The following UGT3A2 variants were observed in gnomAD, a reference collection of about 807,000 sequenced individuals.
UGT3A2 encodes UDP-glycosyltransferase 3A2.
Under a neutral mutation model 39.8 loss-of-function variants are expected in UGT3A2, and 32 were observed. The observed-to-expected ratio is 0.80, with a 90% CI of 0.61 to 1.08. The LOEUF (loss-of-function observed/expected upper bound fraction) is 1.08, where lower values mean the gene tolerates loss of function less well. Among genes scored for constraint, UGT3A2 ranks in the 50% least tolerant of loss-of-function variants. UGT3A2 has a pLI of 0.00. For synonymous variants in UGT3A2, 241 were observed against 230.7 expected (o/e 1.04, Z -0.40); for missense variants, 611 against 637.1 (o/e 0.96, Z 0.44).
At position 36,035,831 on chromosome 5, in the gene UGT3A2, C is replaced by A. The variant is rs375604328; in HGVS notation, c.1439G>T (p.Trp480Leu). The change falls in exon 7 of 7, where the codon TGG (tryptophan) becomes TTG (leucine). Residue 480 changes from tryptophan to leucine, a missense_variant. Transcript: ENST00000282507. ...HLKPYVFQQP[W>L]HEQYLLDVFV... ...AACGTCGAGCAGGTACTGCTCATGC[C>A]AGGGCTGCTGAAAGACATAGGGCTT... 6.8e-6 allele frequency: 11 copies of A among 1,614,072 alleles called. No homozygotes were observed. In the African/African-American group the frequency reaches 1.5e-4, roughly 22 times the overall value.
intron 2 of UGT3A2, among the ~76,000 whole-genome samples, chr5:36,056,056 T>C (rs1158491318): frequency 6.6e-6 from 1 of 152,200 alleles, no homozygotes; most frequent in Non-Finnish European, 1.5e-5. Context: ...CTTTACGAGA[T>C]AGTTTCATCT....
At chr5:36,040,412 A>C (rs760924084) in intron 4 of UGT3A2, among the ~76,000 whole-genome samples, 1 of 152,368 alleles carries the variant, frequency 6.6e-6, no homozygotes, top group African/African-American at 2.4e-5. Flanking sequence ...GAACAAAAAA[A>C]AATGAGGTGA....
intron 4 of UGT3A2, among the ~76,000 whole-genome samples, chr5:36,044,478 A>G (rs1465594743): frequency 3.9e-5 from 6 of 152,212 alleles, no homozygotes; most frequent in African/African-American, 1.4e-4. Context: ...AGTTCTAGCT[A>G]GAGCAATCAG....
At chr5:36,059,554 C>T (rs887896166) in intron 2 of UGT3A2, among the ~76,000 whole-genome samples, 2 of 152,024 alleles carry the variant, frequency 1.3e-5, no homozygotes, top group East Asian at 1.9e-4. Flanking sequence ...GGATTGTAAA[C>T]ATTTGCTGGC....
At chr5:36,060,009 T>C (rs1561497423) in intron 2 of UGT3A2, among the ~76,000 whole-genome samples, 1 of 152,152 alleles carries the variant, frequency 6.6e-6, no homozygotes, top group African/African-American at 2.4e-5. Context: ...AATGTGAAGA[T>C]GGAATGAGGA....
Position 36,051,875 on chromosome 5 carries a change from A to C in UGT3A2, c.306T>G (p.Gly102=). ...SFDFFLEETL[G]GRGKFENLLN... ...AAGAATAAAAAAACAATTACCTGCC[A>C]CCTAAAGTTTCTTCCAGAAAGAAAT... is the stretch of plus-strand genomic sequence containing the variant. Residue 102 remains glycine, a synonymous_variant, in exon 3 of 7, where the codon GGT becomes GGG. Transcript: ENST00000282507. The C allele has an allele frequency of 6.3e-7, 1 of 1,583,970 alleles. No homozygotes were observed. Among genetic ancestry groups the C allele is most frequent in the Non-Finnish European group, 8.5e-7 (1 of 1,171,756 alleles).
In UGT3A2 at chr5:36,035,364, G is replaced by T. The variant is rs764213309; in HGVS notation, c.*334C>A. The T allele has an allele frequency of 4.2e-5, 13 of 313,108 alleles. No individual in the cohort carries two copies. In the South Asian group the frequency reaches 4.5e-4, roughly 11 times the overall value. The allele number at this position is 313,108 out of a possible 1,614,324, so 19.4% of individuals were successfully genotyped here. On this transcript the variant is annotated 3_prime_UTR_variant, in exon 7 of 7. Transcript: ENST00000282507. ...GAGTCAGGGTGTGATTCGGAGAGGCGCATGAGAAGGAAGGTGGATTTTAAG... is the reference window on the plus strand; with the variant it reads ...GAGTCAGGGTGTGATTCGGAGAGGCTCATGAGAAGGAAGGTGGATTTTAAG...
intron 2 of UGT3A2, among the ~76,000 whole-genome samples, chr5:36,062,425 T>G (rs1742735929): frequency 6.6e-6 from 1 of 152,108 alleles, no homozygotes; most frequent in Non-Finnish European, 1.5e-5. Context: ...TTGTATAAGG[T>G]GTAAGGAAGG....
At chr5:36,049,718 C>G (rs1361988413) in intron 3 of UGT3A2, among the ~76,000 whole-genome samples, 1 of 152,208 alleles carries the variant, frequency 6.6e-6, no homozygotes, top group African/African-American at 2.4e-5. Flanking sequence ...AGCAGCAGAT[C>G]TCAGAGTTCT....
At chr5:36,064,184 C>G (rs1742806024) in intron 2 of UGT3A2, 65 bp downstream of exon 2, 1 of 1,429,734 alleles carries the variant, frequency 7.0e-7, no homozygotes, top group East Asian at 2.3e-5. Context: ...CTAAGCCTTT[C>G]TATGCAAACA....
chr5:36,040,484 G>C (rs182724660), intron 4 of UGT3A2, among the ~76,000 whole-genome samples: 1 of 152,280 alleles, frequency 6.6e-6, no homozygotes, highest in African/African-American at 2.4e-5. Flanking sequence ...AGGTAGGAAA[G>C]ACAGTCTTCA....
intron 2 of UGT3A2, among the ~76,000 whole-genome samples, chr5:36,054,814 A>C (rs143123403): frequency 5.9e-5 from 9 of 152,308 alleles, no homozygotes; most frequent in African/African-American, 2.2e-4. Context: ...AAGCTCTGCC[A>C]TCTGGGCTCA....
rs758072755 is a variant in UGT3A2 at position 36,035,841 on chromosome 5, G to C, written c.1429C>G (p.Gln477Glu). The C allele has an allele frequency of 6.2e-7, 1 of 1,614,196 alleles. No homozygotes were observed. Among genetic ancestry groups the C allele is most frequent in the South Asian group, 1.1e-5 (1 of 91,078 alleles). ...AGGTACTGCTCATGCCAGGGCTGCTGAAAGACATAGGGCTTGAGGTGCGTC... is the reference window on the plus strand; with the variant it reads ...AGGTACTGCTCATGCCAGGGCTGCTCAAAGACATAGGGCTTGAGGTGCGTC... ...GATHLKPYVF[Q>E]QPWHEQYLLD... Residue 477 changes from glutamine (Q) to glutamate (E), a missense_variant, in exon 7 of 7, where the codon CAG (glutamine) becomes GAG (glutamate). By Grantham distance (29) the Gln-to-Glu change is conservative. Transcript: ENST00000282507.
At chr5:36,056,938 T>C (rs1742532625) in intron 2 of UGT3A2, among the ~76,000 whole-genome samples, 1 of 152,236 alleles carries the variant, frequency 6.6e-6, no homozygotes, top group Non-Finnish European at 1.5e-5. Context: ...TTCTCTATCA[T>C]GTTCTTTCCT....
chr5:36,038,044 C>A, intron 5 of UGT3A2, 28 bp from the exon 6 acceptor site: 1 of 1,556,606 alleles, frequency 6.4e-7, no homozygotes, highest in Admixed American at 2.0e-5. Context: ...GAGGGTGGGA[C>A]ACTTCAGGAT....
At chr5:36,047,706 A>G (rs923465253) in intron 4 of UGT3A2, among the ~76,000 whole-genome samples, 8 of 152,210 alleles carry the variant, frequency 5.3e-5, no homozygotes, top group Admixed American at 1.3e-4. Context: ...CCTTACTCCC[A>G]TTGTTATCCT....
intron 4 of UGT3A2, among the ~76,000 whole-genome samples, chr5:36,044,995 T>C (rs987184385): frequency 1.3e-5 from 2 of 152,132 alleles, no homozygotes; most frequent in African/African-American, 4.8e-5. Context: ...CTAAAATTTA[T>C]ATGGAACCAC....
Position 36,042,853 on chromosome 5 carries a change from T to C in UGT3A2, c.844-3145A>G, listed in dbSNP as rs78228558. On this transcript the variant is annotated intron_variant, in intron 4 of 6. Transcript: ENST00000282507. The stretch of plus-strand genomic sequence containing the variant: ...AGCACATATAACAATTATAAATATA[T>C]AGGCACTCAAAACTGGAGCACCCAG... Among the ~76,000 whole-genome samples the C allele has an allele frequency of 1.1e-4, 16 of 152,210 alleles. 1 individual carries two copies. The East Asian group carries it at 2.7e-3, about 26-fold the overall frequency.
chr5:36,059,951 A>G (rs1172440414), intron 2 of UGT3A2, among the ~76,000 whole-genome samples: 2 of 152,210 alleles, frequency 1.3e-5, no homozygotes, highest in Admixed American at 6.5e-5. Context: ...ATGGATTCCA[A>G]TCACAGGCCT....
Sources: allele counts gnomAD v4.1 joint callset (sites outside exome capture counted in the v4.1 genomes callset), GRCh38; gene constraint gnomAD v4.1.1; transcripts MANE v1.5; gene names NCBI Gene and HGNC (gene_info 2026-07-23, HGNC 2026-07-21).